Variants in HUNK observed in about 807,000 individuals in gnomAD.
The protein encoded by HUNK is hormonally up-regulated Neu-associated kinase.
HUNK carries 21 observed loss-of-function variants against 61.0 expected under a neutral mutation model. That is an observed-to-expected ratio of 0.34 (90% confidence interval 0.24 to 0.50). The LOEUF is 0.50. Among genes scored for constraint, HUNK ranks in the 20% least tolerant of loss-of-function variants. The pLI is 0.98. For synonymous variants in HUNK, 371 were observed against 386.1 expected, an observed-to-expected ratio of 0.96 and a Z score of 0.46; for missense variants, 772 against 945.7, an observed-to-expected ratio of 0.82 and a Z score of 2.41.
rs2053256416 is a variant in HUNK at position 32,003,063 on chromosome 21, A to G, written c.*3879A>G. ...CCCCAGAGTCCCCAGATGAGCTGGC[A>G]TTTGAGCTGGTCTGGAGCAGAGTTT... On this transcript the variant is annotated 3_prime_UTR_variant, in exon 11 of 11. Coordinates refer to ENST00000270112, the MANE Select transcript of HUNK (RefSeq NM_014586.2). 1 of 152,288 alleles carries G rather than the reference A, an allele frequency of 6.6e-6. No homozygotes were observed. Among genetic ancestry groups the G allele is most frequent in the Non-Finnish European group, 1.5e-5 (1 of 68,098 alleles). 9.4% of individuals were successfully genotyped at this position (152,288 alleles called of 1,614,324 possible).
chr21:31,966,512 C>A (rs889675996), intron 5 of HUNK, among the ~76,000 whole-genome samples: 17 of 152,150 alleles, frequency 1.1e-4, no homozygotes, highest in Admixed American at 9.2e-4. Flanking sequence ...GGAACCCACC[C>A]TGGTGGTGGG....
At chr21:31,978,550 A>G (rs2053067893) in intron 7 of HUNK, among the ~76,000 whole-genome samples, 1 of 152,062 alleles carries the variant, frequency 6.6e-6, no homozygotes, top group African/African-American at 2.4e-5. Flanking sequence ...TACACTTTTT[A>G]GATTCCATGT....
At position 31,888,231 on chromosome 21, in the gene HUNK, G is replaced by T. The variant is rs192651654; in HGVS notation, c.261+14296G>T. On this transcript the variant is annotated intron_variant, in intron 1 of 10. Transcript: ENST00000270112. ...AGAGTGTTTGGAGTCCAAACTGCAGGTTTCCGAATAACAGTATTAATAAGC... is the reference window on the plus strand; with the variant it reads ...AGAGTGTTTGGAGTCCAAACTGCAGTTTTCCGAATAACAGTATTAATAAGC... Among the ~76,000 whole-genome samples, 420 of 152,198 alleles carry T rather than the reference G, an allele frequency of 2.8e-3. 1 individual carries two copies. The highest frequency in any genetic ancestry group is 9.5e-3 in the African/African-American group (395 of 41,518).
intron 2 of HUNK, among the ~76,000 whole-genome samples, chr21:31,935,609 C>T (rs1568929181): frequency 6.6e-6 from 1 of 152,108 alleles, no homozygotes; most frequent in Non-Finnish European, 1.5e-5. Context: ...AGCCACTGCT[C>T]TTTTTACCAT....
At chr21:31,979,156 G>A (rs1407281367) in intron 7 of HUNK, among the ~76,000 whole-genome samples, 1 of 148,756 alleles carries the variant, frequency 6.7e-6, no homozygotes. Context: ...AGGCTGGAGT[G>A]CAGTGGCGTG....
At chr21:31,984,372 C>A (rs568692612) in intron 8 of HUNK, among the ~76,000 whole-genome samples, 1 of 151,588 alleles carries the variant, frequency 6.6e-6, no homozygotes, top group Non-Finnish European at 1.5e-5. Context: ...AATGATTATG[C>A]GTCAACTAAA....
chr21:31,934,979 T>C (rs2052723526), intron 2 of HUNK, among the ~76,000 whole-genome samples: 2 of 152,346 alleles, frequency 1.3e-5, no homozygotes, highest in South Asian at 4.1e-4. Context: ...TTGGGTAGAA[T>C]GATTGATTTT....
chr21:31,984,160 G>T (rs1381849762), intron 8 of HUNK, among the ~76,000 whole-genome samples: 1 of 152,088 alleles, frequency 6.6e-6, no homozygotes, highest in Non-Finnish European at 1.5e-5. Context: ...AAGTTCCGGT[G>T]TTCTGTGGCA....
Position 32,000,629 on chromosome 21 carries a change from C to T in HUNK, c.*1445C>T, listed in dbSNP as rs2053239737. 1 of 399,054 alleles carries T rather than the reference C, an allele frequency of 2.5e-6. No homozygotes were observed. The highest frequency in any genetic ancestry group is 4.4e-6 in the Non-Finnish European group (1 of 226,088). 24.7% of individuals were successfully genotyped at this position (399,054 alleles called of 1,614,324 possible). A position where few individuals can be genotyped will look rare whatever the true frequency, so the allele number is the denominator to read the frequency against. ...CCGGTGCAGGTGTGACCAGAGACCA[C>T]CTCTGTGGCCACCTCAGATAGTCAT... On this transcript the variant is annotated 3_prime_UTR_variant, in exon 11 of 11. Coordinates refer to ENST00000270112, the MANE Select transcript of HUNK (RefSeq NM_014586.2).
At chr21:31,892,703 C>T (rs1276355911) in intron 1 of HUNK, among the ~76,000 whole-genome samples, 1 of 151,744 alleles carries the variant, frequency 6.6e-6, no homozygotes, top group African/African-American at 2.4e-5. Context: ...TAGTAAGAAA[C>T]AGATACCCAC....
rs892198119 is a variant in HUNK at position 31,888,098 on chromosome 21, A to T, written c.261+14163A>T. Among the ~76,000 whole-genome samples, 3 of 152,140 alleles carry T rather than the reference A, an allele frequency of 2.0e-5. No individual in the cohort carries two copies. The East Asian group carries it at 5.8e-4, about 29-fold the overall frequency. The stretch of plus-strand genomic sequence containing the variant: ...TGATTTTGCAGATTAAGATGACCAG[A>T]ATCTTGGTTTGCCCAGGACTCTCTT... On this transcript the variant is annotated intron_variant, in intron 1 of 10. Coordinates refer to ENST00000270112, the MANE Select transcript of HUNK (RefSeq NM_014586.2).
chr21:31,962,916 G>A (rs948112511), intron 5 of HUNK, among the ~76,000 whole-genome samples: 1 of 152,228 alleles, frequency 6.6e-6, no homozygotes, highest in Admixed American at 6.5e-5. Context: ...GATTACTCAG[G>A]ATTGGGAATT....
At chr21:31,930,412 G>A (rs2052688593) in intron 2 of HUNK, among the ~76,000 whole-genome samples, 1 of 152,158 alleles carries the variant, frequency 6.6e-6, no homozygotes, top group African/African-American at 2.4e-5. Flanking sequence ...ACAGTTCTCC[G>A]TGCTGAGGGT....
chr21:31,994,134 C>A (rs531998870), intron 9 of HUNK, among the ~76,000 whole-genome samples: 1 of 152,332 alleles, frequency 6.6e-6, no homozygotes, highest in Admixed American at 6.5e-5. Flanking sequence ...GTCTGGCACC[C>A]TGCATATTCT....
intron 1 of HUNK, among the ~76,000 whole-genome samples, chr21:31,912,838 G>T (rs192646245): frequency 6.6e-6 from 1 of 152,230 alleles, no homozygotes; most frequent in Non-Finnish European, 1.5e-5. Context: ...CATCACGATC[G>T]CACACAAGCT....
At chr21:31,888,126 G>A (rs921883458) in intron 1 of HUNK, among the ~76,000 whole-genome samples, 2 of 152,134 alleles carry the variant, frequency 1.3e-5, no homozygotes, top group African/African-American at 4.8e-5. Flanking sequence ...ACTCTCTTAA[G>A]TTTAATGTAG....
chr21:31,938,709 TG>T (rs1232942338), intron 2 of HUNK, among the ~76,000 whole-genome samples: 1 of 152,250 alleles, frequency 6.6e-6, no homozygotes, highest in African/African-American at 2.4e-5. Flanking sequence ...AAGAATGGTA[TG>T]TTTAAAAACG....
At chr21:31,978,213 A>G (rs2053064312) in intron 7 of HUNK, among the ~76,000 whole-genome samples, 1 of 152,246 alleles carries the variant, frequency 6.6e-6, no homozygotes, top group South Asian at 2.1e-4. Context: ...GACCAAAAAA[A>G]TGGTATATAT....
chr21:31,897,537 G>A (rs965795177), intron 1 of HUNK, among the ~76,000 whole-genome samples: 1 of 152,136 alleles, frequency 6.6e-6, no homozygotes, highest in African/African-American at 2.4e-5. Context: ...TGTTGGATTA[G>A]GGCCCACCAT....
Sources: allele counts gnomAD v4.1 joint callset (sites outside exome capture counted in the v4.1 genomes callset), GRCh38; gene constraint gnomAD v4.1.1; transcripts MANE v1.5; gene names NCBI Gene and HGNC (gene_info 2026-07-23, HGNC 2026-07-21).